CAPN7: variants seen among roughly 807,000 people sequenced by gnomAD.
CAPN7 encodes the protein calpain 7.
CAPN7 carries 72 observed loss-of-function variants against 115.2 expected under a neutral mutation model. The observed-to-expected ratio is 0.63, with a 90% CI of 0.52 to 0.76. The LOEUF is 0.76. Among genes scored for constraint, CAPN7 ranks in the 30% least tolerant of loss-of-function variants. CAPN7 has a pLI of 0.00. For synonymous variants in CAPN7, 344 were observed against 322.3 expected (o/e 1.07, Z -0.72); for missense variants, 905 against 971.5 (o/e 0.93, Z 0.91).
At chr3:15,208,517 G>A (rs1289220974) in intron 1 of CAPN7, among the ~76,000 whole-genome samples, 1 of 142,678 alleles carries the variant, frequency 7.0e-6, no homozygotes, top group Admixed American at 7.3e-5. Context: ...GGCTGGTTTC[G>A]AACTCCTGGG....
chr3:15,240,500 C>G lies in CAPN7; in HGVS notation c.1435C>G (p.Pro479Ala), dbSNP rs1695276855. Residue 479 changes from proline (P) to alanine (A), a missense_variant, in exon 13 of 21, where the codon CCT becomes GCT. Physicochemically the swap from Pro to Ala is conservative, Grantham distance 27. Transcript: ENST00000253693. Reference sequence around the variant, plus strand: ...GCTGCGATTTATCCAGTTGAAAAATCCTTGGAGTCATTTACGTTGGAAAGG... The same window carrying G: ...GCTGCGATTTATCCAGTTGAAAAATGCTTGGAGTCATTTACGTTGGAAAGG... Reference protein sequence around the residue: ...KGLRFIQLKNPWSHLRWKGRY... With the variant: ...KGLRFIQLKNAWSHLRWKGRY... The G allele has an allele frequency of 6.2e-7, 1 of 1,611,634 alleles. No individual in the cohort carries two copies.
rs1274273691 is a variant in CAPN7, at chr3:15,252,492, A to G, written c.*1232A>G. ...TTCATGCTTTCAGTTTTAGCCTATT[A>G]ATTTTAGGTGGACAAATTTAACAAG... On this transcript the variant is annotated 3_prime_UTR_variant, in exon 21 of 21. Transcript: ENST00000253693. The G allele has an allele frequency of 1.3e-5, 2 of 152,332 alleles. No individual in the cohort carries two copies. The highest frequency in any genetic ancestry group is 2.9e-5 in the Non-Finnish European group (2 of 68,016). 9.4% of individuals were successfully genotyped at this position (152,332 alleles called of 1,614,324 possible).
At position 15,212,211 on chromosome 3, in the gene CAPN7, A is replaced by G. The variant is rs751977326; in HGVS notation, c.210A>G (p.Ala70=). The change falls in exon 2 of 21, where the codon GCA becomes GCG. Residue 70 remains alanine, a splice_region_variant and synonymous_variant. Coordinates refer to ENST00000253693, the MANE Select transcript of CAPN7 (RefSeq NM_014296.3). ...YLERVQALHS[A]VQSKSADPLK... is the part of the protein sequence containing the mutation. ...AAAGAGTTCAAGCTCTACATTCAGC[A>G]GGTTAGTAAAGGACTACTAAACTTG... 1.3e-6 allele frequency: 2 copies of G among 1,532,580 alleles called. No homozygotes were observed. Among genetic ancestry groups the G allele is most frequent in the South Asian group, 2.3e-5 (2 of 86,050 alleles). The allele number at this position is 1,532,580 out of a possible 1,614,324, so 94.9% of individuals were successfully genotyped here. A position where few individuals can be genotyped will look rare whatever the true frequency, so the allele number is the denominator to read the frequency against.
chr3:15,244,797 A>G (rs1480402020), intron 16 of CAPN7, among the ~76,000 whole-genome samples: 3 of 152,152 alleles, frequency 2.0e-5, no homozygotes, highest in Non-Finnish European at 2.9e-5. Context: ...TAAATAAGCA[A>G]TTGGGGGTGT....
chr3:15,215,385 T>G (rs2045192725), intron 2 of CAPN7, among the ~76,000 whole-genome samples: 1 of 152,232 alleles, frequency 6.6e-6, no homozygotes, highest in African/African-American at 2.4e-5. Flanking sequence ...TTAAAGTATA[T>G]AATTCAGGTG....
chr3:15,217,671 G>T lies in CAPN7; in HGVS notation c.369+89G>T, dbSNP rs1693717470. On this transcript the variant is annotated intron_variant, in intron 3 of 20. Coordinates refer to ENST00000253693, the MANE Select transcript of CAPN7 (RefSeq NM_014296.3). ...ATTTTACATAACACCTTGAATAAAA[G>T]AATTTTAACAGAATAAAAAAAATTA... is the stretch of plus-strand genomic sequence containing the variant. The T allele has an allele frequency of 2.8e-6, 3 of 1,055,072 alleles. No homozygotes were observed. In the Admixed American group the frequency reaches 8.4e-5, roughly 29 times the overall value. The allele number at this position is 1,055,072 out of a possible 1,614,324, so 65.4% of individuals were successfully genotyped here. A position where few individuals can be genotyped will look rare whatever the true frequency, so the allele number is the denominator to read the frequency against.
At chr3:15,241,867 A>G (rs1278567589) in intron 15 of CAPN7, among the ~76,000 whole-genome samples, 1 of 152,216 alleles carries the variant, frequency 6.6e-6, no homozygotes, top group Non-Finnish European at 1.5e-5. Flanking sequence ...AGATCTTAAT[A>G]TTAACATTGA....
rs768547787 is a variant in CAPN7, at chr3:15,229,007, C to T, written c.886C>T (p.Leu296=). ...IVSDCSFVAS[L]AISAAYERRF... is the part of the protein sequence containing the mutation. ...ATCGGATTGCTCCTTTGTGGCATCACTGGCCATCAGTGCAGCTTATGAAAG... is the reference window on the plus strand; with the variant it reads ...ATCGGATTGCTCCTTTGTGGCATCATTGGCCATCAGTGCAGCTTATGAAAG... The change falls in exon 8 of 21, where the codon CTG becomes TTG. Residue 296 remains leucine, a synonymous_variant. Coordinates refer to ENST00000253693, the MANE Select transcript of CAPN7 (RefSeq NM_014296.3). The T allele has an allele frequency of 1.1e-5, 17 of 1,613,202 alleles. No homozygotes were observed. The Admixed American group carries it at 2.2e-4, about 21-fold the overall frequency.
chr3:15,213,647 A>G (rs1426151349), intron 2 of CAPN7, among the ~76,000 whole-genome samples: 4 of 152,158 alleles, frequency 2.6e-5, no homozygotes, highest in African/African-American at 9.7e-5. Flanking sequence ...TGCTCTTTAA[A>G]CCCTTGAAAT....
chr3:15,228,912 T>A (rs1048506816), intron 7 of CAPN7, 62 bp from the exon 8 acceptor site: 1 of 1,212,156 alleles, frequency 8.2e-7, no homozygotes, highest in Non-Finnish European at 1.2e-6. Flanking sequence ...AATGTACGTA[T>A]ATTGCGGTAA....
intron 2 of CAPN7, among the ~76,000 whole-genome samples, chr3:15,212,754 T>G (rs1156618383): frequency 6.6e-6 from 1 of 152,192 alleles, no homozygotes. Flanking sequence ...TAGAAATATA[T>G]AGTCTTAATG....
At chr3:15,213,280 C>T (rs1459420611) in intron 2 of CAPN7, among the ~76,000 whole-genome samples, 1 of 152,150 alleles carries the variant, frequency 6.6e-6, no homozygotes, top group East Asian at 1.9e-4. Context: ...TGTTTACTTC[C>T]ATGATCTCCT....
At chr3:15,242,288 C>A in intron 16 of CAPN7, 35 bp downstream of exon 16, 1 of 1,257,304 alleles carries the variant, frequency 8.0e-7, no homozygotes, top group Non-Finnish European at 1.1e-6. Flanking sequence ...TTAAAATAAA[C>A]ATACATAAGA....
rs761299255 is a variant in CAPN7 at position 15,235,067 on chromosome 3, G to T, written c.1329G>T (p.Met443Ile). 1.2e-6 allele frequency: 2 copies of T among 1,613,742 alleles called. No homozygotes were observed. The highest frequency in any genetic ancestry group is 3.3e-5 in the Admixed American group (2 of 59,984). ...GDVLITASTG[M>I]MTEAEGEKWG... ...TCCTCATCACTGCGTCAACTGGAAT[G>T]ATGACAGAAGCTGAAGGAGAGAAGT... Residue 443 changes from methionine (M) to isoleucine (I), a missense_variant, in exon 12 of 21, where the codon ATG (methionine) becomes ATT (isoleucine). Physicochemically the swap from Met to Ile is conservative, Grantham distance 10. Coordinates refer to ENST00000253693, the MANE Select transcript of CAPN7 (RefSeq NM_014296.3).
At chr3:15,235,232 T>G (rs1196575852) in intron 12 of CAPN7, 87 bp downstream of exon 12, 1 of 1,214,604 alleles carries the variant, frequency 8.2e-7, no homozygotes, top group Admixed American at 2.4e-5. Flanking sequence ...TTCTGAATAC[T>G]GACAAATCAA....
chr3:15,216,633 G>A (rs149136911), intron 2 of CAPN7, among the ~76,000 whole-genome samples: 65 of 152,134 alleles, frequency 4.3e-4, no homozygotes, highest in African/African-American at 1.5e-3. Context: ...GAAAAAGCAG[G>A]AACTTTATCA....
In CAPN7 at chr3:15,247,421, A is replaced by G; in HGVS notation, c.2168A>G (p.Lys723Arg). Residue 723 changes from lysine (K) to arginine (R), a missense_variant, in exon 19 of 21, where the codon AAG (lysine) becomes AGG (arginine). Lys to Arg is a conservative substitution (Grantham distance 26). Coordinates refer to ENST00000253693, the MANE Select transcript of CAPN7 (RefSeq NM_014296.3). The stretch of plus-strand genomic sequence containing the variant: ...CCCATCTACCAATTCCATATAGAAA[A>G]GACTGGGCCGTTACTGATTGAGCTA... Reference protein sequence around the residue: ...NNPIYQFHIEKTGPLLIELRG... With the variant: ...NNPIYQFHIERTGPLLIELRG... 1 of 1,608,148 alleles carries G rather than the reference A, an allele frequency of 6.2e-7. No individual in the cohort carries two copies. Among genetic ancestry groups the G allele is most frequent in the East Asian group, 2.2e-5 (1 of 44,774 alleles).
At position 15,249,820 on chromosome 3, in the gene CAPN7, C is replaced by T. The variant is rs1391925317; in HGVS notation, c.2205-1111C>T. Among the ~76,000 whole-genome samples, 3 of 150,594 alleles carry T rather than the reference C, an allele frequency of 2.0e-5. No homozygotes were observed. In the East Asian group the frequency reaches 5.9e-4, roughly 30 times the overall value. ...CTTGCTCTGTCACCAGGCTGGAGTG[C>T]AGTGTGTGATCTCGGCTCACTGCAA... On this transcript the variant is annotated intron_variant, in intron 19 of 20. Transcript: ENST00000253693.
intron 1 of CAPN7, chr3:15,211,070 C>G (rs1254418614): frequency 2.3e-6 from 1 of 426,260 alleles, no homozygotes; most frequent in Admixed American, 6.2e-5. Flanking sequence ...GAAGAAGAAT[C>G]CAGATTTTCT....
Sources: allele counts gnomAD v4.1 joint callset (sites outside exome capture counted in the v4.1 genomes callset), GRCh38; gene constraint gnomAD v4.1.1; transcripts MANE v1.5; gene names NCBI Gene and HGNC (gene_info 2026-07-23, HGNC 2026-07-21).